Variants in DYNC2H1 observed in about 807,000 individuals in gnomAD.
DYNC2H1 encodes cytoplasmic dynein 2 heavy chain 1.
Under a neutral mutation model 570.0 loss-of-function variants are expected in DYNC2H1, and 410 were observed. The observed-to-expected ratio is 0.72, with a 90% CI of 0.66 to 0.78. DYNC2H1 has a LOEUF of 0.78. DYNC2H1 is among the 30% of genes least tolerant of loss of function. DYNC2H1 has a pLI of 0.00. For missense variants in DYNC2H1, 4,865 were observed against 5,046.4 expected (o/e 0.96, Z 1.09); for synonymous variants, 1,688 against 1,677.6 (o/e 1.01, Z -0.15).
chr11:103,315,695 A>G (rs1274591760), intron 79 of DYNC2H1, among the ~76,000 whole-genome samples: 3 of 151,988 alleles, frequency 2.0e-5, no homozygotes, highest in Non-Finnish European at 4.4e-5. Flanking sequence ...TGTGAAACAT[A>G]CTAAATGTTT....
rs764066891 is a variant in DYNC2H1 at position 103,287,579 on chromosome 11, T to C, written c.11069T>C (p.Met3690Thr). Reference sequence around the variant, plus strand: ...AGACCGGACAGATTGCAAAGTGCCATGGCTCTTTTTGCATGTAAAACTCTG... The same window carrying C: ...AGACCGGACAGATTGCAAAGTGCCACGGCTCTTTTTGCATGTAAAACTCTG... ...ALRPDRLQSA[M>T]ALFACKTLGL... is the part of the protein sequence containing the mutation. The change falls in exon 75 of 89, where the codon ATG becomes ACG. Residue 3690 changes from methionine (M) to threonine (T), a missense_variant. Met to Thr is a moderately conservative substitution (Grantham distance 81, BLOSUM62 -1). This residue lies in a region of DYNC2H1 where 2,401 missense variants were observed against 2,454.6 expected (regional missense o/e 0.98). Coordinates refer to ENST00000375735, the MANE Select transcript of DYNC2H1 (RefSeq NM_001377.3). The C allele has an allele frequency of 3.1e-6, 5 of 1,612,100 alleles. No homozygotes were observed. The highest frequency in any genetic ancestry group is 3.4e-6 in the Non-Finnish European group (4 of 1,178,988).
chr11:103,261,243 G>A lies in DYNC2H1; in HGVS notation c.10695+1266G>A, dbSNP rs550020697. Among the ~76,000 whole-genome samples the A allele has an allele frequency of 2.0e-5, 3 of 151,444 alleles. No homozygotes were observed. Among genetic ancestry groups the A allele is most frequent in the African/African-American group, 7.2e-5 (3 of 41,542 alleles). On this transcript the variant is annotated intron_variant, in intron 70 of 88. Transcript: ENST00000375735. The surrounding 1 kb of genome is among the most constrained non-coding windows in gnomAD (Gnocchi z 4.8). Reference sequence around the variant, plus strand: ...CCCATCTCCCTGAGACAGAGCAGCTGGGGGGAAGGGGTGGCTGTGGGCGCA... The same window carrying A: ...CCCATCTCCCTGAGACAGAGCAGCTAGGGGGAAGGGGTGGCTGTGGGCGCA...
rs3989922 is a variant in DYNC2H1 at position 103,434,424 on chromosome 11, C to CT, written c.12367-1504dup. Among the ~76,000 whole-genome samples the CT allele has an allele frequency of 4.4e-3, 639 of 144,608 alleles. 6 individuals are homozygous for CT. Among genetic ancestry groups the CT allele is most frequent in the South Asian group, 0.021 (96 of 4,602 alleles). The allele number at this position is 144,608 out of a possible 152,430, so 94.9% of individuals were successfully genotyped here. On this transcript the variant is annotated intron_variant, in intron 84 of 88. Coordinates refer to ENST00000375735, the MANE Select transcript of DYNC2H1 (RefSeq NM_001377.3). The stretch of plus-strand genomic sequence containing the variant: ...GAGGGTTGTCTGAGATTTTTCCTTC[C>CT]TTTTTTTTTTTTTTTAAGTCCTCAA...
chr11:103,360,405 TACTTACTATCATTACTTACTATCATC>T (rs1368618184), intron 83 of DYNC2H1, among the ~76,000 whole-genome samples: 1 of 152,124 alleles, frequency 6.6e-6, no homozygotes, highest in East Asian at 1.9e-4. Context: ...ATAATGATAG[TACTTACTATCATTACTTACTATCATC>T]ACCAGCAATG....
chr11:103,383,093 A>G (rs77349302), intron 83 of DYNC2H1, among the ~76,000 whole-genome samples: 3,933 of 152,260 alleles, frequency 0.026, 117 homozygotes, highest in Middle Eastern at 0.065. Flanking sequence ...CTTCAGAAGT[A>G]CTGATGTGTT....
intron 60 of DYNC2H1, among the ~76,000 whole-genome samples, chr11:103,233,690 G>C (rs997281558): frequency 2.0e-5 from 3 of 151,794 alleles, no homozygotes; most frequent in Admixed American, 6.6e-5. Flanking sequence ...TTGCTGATCA[G>C]TAATATAATG....
chr11:103,429,271 C>CA (rs745974200), intron 84 of DYNC2H1, among the ~76,000 whole-genome samples: 1 of 147,052 alleles, frequency 6.8e-6, no homozygotes, highest in Non-Finnish European at 1.5e-5. Context: ...AAAAAAAAAA[C>CA]AAAAACAAAA....
In DYNC2H1 at chr11:103,187,494, G is replaced by C; in HGVS notation, c.7048G>C (p.Asp2350His). 6.2e-7 allele frequency: 1 copy of C among 1,613,342 alleles called. No homozygotes were observed. Among genetic ancestry groups the C allele is most frequent in the Non-Finnish European group, 8.5e-7 (1 of 1,179,504 alleles). ...TNTGRVYRPK[D>H]CERLVLYLKD... ...TACTGGTCGTGTATACAGACCAAAA[G>C]ACTGTGAAAGACTTGTTCTGTACTT... The change falls in exon 43 of 89, where the codon GAC (aspartate) becomes CAC (histidine). Residue 2350 changes from aspartate (D) to histidine (H), a missense_variant. This residue lies in a region of DYNC2H1 where 2,401 missense variants were observed against 2,454.6 expected (regional missense o/e 0.98). Coordinates refer to ENST00000375735, the MANE Select transcript of DYNC2H1 (RefSeq NM_001377.3).
chr11:103,438,900 T>C (rs908528627), intron 85 of DYNC2H1, among the ~76,000 whole-genome samples: 22 of 152,140 alleles, frequency 1.4e-4, no homozygotes, highest in Middle Eastern at 3.4e-3. Context: ...TTCCAGTGAC[T>C]CAGGAGACTA....
chr11:103,112,227 GA>G (rs1164685757), intron 1 of DYNC2H1, among the ~76,000 whole-genome samples: 1 of 151,874 alleles, frequency 6.6e-6, no homozygotes, highest in Non-Finnish European at 1.5e-5. Context: ...CCAGGGGCAA[GA>G]AAAAAAATCC....
chr11:103,390,069 G>A (rs1371872316), intron 83 of DYNC2H1, among the ~76,000 whole-genome samples: 3 of 152,070 alleles, frequency 2.0e-5, no homozygotes, highest in South Asian at 2.1e-4. Flanking sequence ...TTTCTGTCTT[G>A]TGGATCTGTC....
intron 54 of DYNC2H1, among the ~76,000 whole-genome samples, chr11:103,212,805 G>A (rs559615466): frequency 2.0e-5 from 3 of 151,886 alleles, no homozygotes; most frequent in South Asian, 4.2e-4. Flanking sequence ...CTAACTATAC[G>A]GGCTTTGGGG....
chr11:103,184,143 C>T (rs184458191), intron 40 of DYNC2H1, among the ~76,000 whole-genome samples: 3 of 152,030 alleles, frequency 2.0e-5, no homozygotes, highest in East Asian at 3.9e-4. Flanking sequence ...CGTGAGCCCT[C>T]AATCTGAGTT....
intron 70 of DYNC2H1, among the ~76,000 whole-genome samples, chr11:103,279,397 C>T (rs538025412): frequency 6.6e-6 from 1 of 152,144 alleles, no homozygotes; most frequent in East Asian, 1.9e-4. Context: ...GAGTATGATC[C>T]TCCTAAGACT....
chr11:103,353,064 A>G (rs755310239), intron 82 of DYNC2H1, among the ~76,000 whole-genome samples: 2 of 152,142 alleles, frequency 1.3e-5, no homozygotes, highest in African/African-American at 2.4e-5. Context: ...ACCAAATACC[A>G]TATGTTCTCC....
At chr11:103,466,550 A>G (rs1484642639) in intron 87 of DYNC2H1, among the ~76,000 whole-genome samples, 3 of 152,208 alleles carry the variant, frequency 2.0e-5, no homozygotes, top group Non-Finnish European at 4.4e-5. Flanking sequence ...TTATAGATCA[A>G]TCTTTTAAAG....
chr11:103,296,582 C>T (rs1388937754), intron 75 of DYNC2H1, among the ~76,000 whole-genome samples: 1 of 152,096 alleles, frequency 6.6e-6, no homozygotes, highest in Non-Finnish European at 1.5e-5. Context: ...ACACATCTAC[C>T]ATTTGCCTTA....
At chr11:103,300,981 A>AGAAAAT in intron 75 of DYNC2H1, among the ~76,000 whole-genome samples, 1 of 152,026 alleles carries the variant, frequency 6.6e-6, no homozygotes, top group South Asian at 2.1e-4. Context: ...CAGGAGTATC[A>AGAAAAT]GAAAATGCAT....
intron 83 of DYNC2H1, among the ~76,000 whole-genome samples, chr11:103,396,642 G>C (rs936035654): frequency 9.2e-5 from 14 of 152,126 alleles, no homozygotes; most frequent in African/African-American, 1.4e-4. Flanking sequence ...CTAGGAAATT[G>C]TTTCAGTTAA....
Sources: gnomAD v4.1 joint callset for allele counts (sites outside exome capture counted in the v4.1 genomes callset) on GRCh38, gnomAD v4.1.1 for gene constraint, gnomAD v4.1.1 regional missense constraint, Gnocchi (gnomAD v3.1) non-coding constraint, MANE v1.5 for transcripts, NCBI Gene and HGNC (gene_info 2026-07-23, HGNC 2026-07-21) for gene names.